STK35: variants seen among roughly 807,000 people sequenced by gnomAD.
The protein encoded by STK35 is serine/threonine kinase 35.
Under a neutral mutation model 37.3 loss-of-function variants are expected in STK35, and 17 were observed. The ratio of observed to expected loss-of-function variants is 0.46; its 90% CI spans 0.31 to 0.68. The LOEUF (loss-of-function observed/expected upper bound fraction) is 0.68. Ranked by LOEUF, STK35 falls within the 30% of genes least tolerant of loss-of-function variation. The probability of loss-of-function intolerance (pLI) is 0.05; values close to 1 mark genes in which losing one functional copy is unlikely to be tolerated. For synonymous variants in STK35, 385 were observed against 319.1 expected (o/e 1.21, Z -2.20); for missense variants, 595 against 746.7 (o/e 0.80, Z 2.37).
intron 2 of STK35, among the ~76,000 whole-genome samples, chr20:2,115,492 T>G (rs1011708042): frequency 1.3e-5 from 2 of 152,114 alleles, no homozygotes; most frequent in African/African-American, 4.8e-5. Flanking sequence ...GCCAGCACAT[T>G]TGCAGGCCCA....
chr20:2,129,226 G>A (rs943124145), intron 3 of STK35, among the ~76,000 whole-genome samples: 5 of 152,174 alleles, frequency 3.3e-5, no homozygotes, highest in Non-Finnish European at 7.3e-5. Context: ...GGTTTGGGCC[G>A]TGGAGATGAG....
intron 3 of STK35, among the ~76,000 whole-genome samples, chr20:2,143,215 G>T (rs1455151204): frequency 6.6e-6 from 1 of 152,182 alleles, no homozygotes; most frequent in East Asian, 1.9e-4. Flanking sequence ...GCCCAGTCCA[G>T]CCCTGCCCCT....
chr20:2,133,978 T>C (rs1268567365), intron 3 of STK35, among the ~76,000 whole-genome samples: 1 of 152,150 alleles, frequency 6.6e-6, no homozygotes, highest in African/African-American at 2.4e-5. Flanking sequence ...GGGCCTTACA[T>C]GGGCCTGCCA....
At chr20:2,122,236 G>T (rs1304122510) in intron 3 of STK35, among the ~76,000 whole-genome samples, 2 of 152,112 alleles carry the variant, frequency 1.3e-5, no homozygotes, top group African/African-American at 2.4e-5. Context: ...GGAGACTGAG[G>T]CAGGAGAATT....
At position 2,103,284 on chromosome 20, in the gene STK35, C is replaced by T; in HGVS notation, c.811C>T (p.Arg271Cys). 2 of 1,613,050 alleles carry T rather than the reference C, an allele frequency of 1.2e-6. No individual in the cohort carries two copies. The highest frequency in any genetic ancestry group is 1.3e-5 in the African/African-American group (1 of 75,016). The change falls in exon 2 of 4, where the codon CGC becomes TGC. Residue 271 changes from arginine (R) to cysteine (C), a missense_variant. By Grantham distance (180) the Arg-to-Cys change is radical. Around this residue, in one of 3 missense-constraint regions of STK35, gnomAD observed 97 missense variants for 146.4 expected, o/e 0.66. Transcript: ENST00000381482. ...GCAGTTTGAGGAGTGCGTCCTGCAG[C>T]GCAATGGGTTAGCCCAGCGCATGAG... is the stretch of plus-strand genomic sequence containing the variant. Reference protein sequence around the residue: ...VVQFEECVLQRNGLAQRMSHG... With the variant: ...VVQFEECVLQCNGLAQRMSHG...
In STK35 at chr20:2,117,325, C is replaced by G. The variant is rs768850896; in HGVS notation, c.1552C>G (p.Pro518Ala). Residue 518 changes from proline (P) to alanine (A), a missense_variant, in exon 3 of 4, where the codon CCT (proline) becomes GCT (alanine). Physicochemically the swap from Pro to Ala is conservative, Grantham distance 27. Around this residue, in one of 3 missense-constraint regions of STK35, gnomAD observed 109 missense variants for 280.3 expected, o/e 0.39. Transcript: ENST00000381482. This position sits in a 1 kb window ranked among gnomAD's most constrained non-coding sequence, Gnocchi z 4.4. ...DMLAANPQDR[P>A]DAFELETRMD... is the part of the protein sequence containing the mutation. ...GTTAGCTGCTAACCCACAGGACCGG[C>G]CTGATGCCTTTGAACTTGAAACCAG... The G allele has an allele frequency of 6.2e-7, 1 of 1,613,676 alleles. No individual in the cohort carries two copies. The highest frequency in any genetic ancestry group is 1.1e-5 in the South Asian group (1 of 91,064).
chr20:2,133,941 C>T (rs989729584), intron 3 of STK35, among the ~76,000 whole-genome samples: 1 of 152,176 alleles, frequency 6.6e-6, no homozygotes, highest in African/African-American at 2.4e-5. Context: ...CCCTTTCCCT[C>T]AGTAAGTCAT....
chr20:2,114,603 A>G (rs982001124), intron 2 of STK35, among the ~76,000 whole-genome samples: 1 of 152,180 alleles, frequency 6.6e-6, no homozygotes, highest in African/African-American at 2.4e-5. Context: ...TCCTGAGTCT[A>G]GCTCCTTCCT....
Position 2,148,329 on chromosome 20 carries a change from C to T in STK35, c.*4583C>T, listed in dbSNP as rs1986309530. ...TAATAAATCTATTTTTCTTCATTTC[C>T]TTTTTTTGCACAGAAGCTGGTAATC... On this transcript the variant is annotated 3_prime_UTR_variant, in exon 4 of 4. Transcript: ENST00000381482. 6.6e-6 allele frequency: 1 copy of T among 152,544 alleles called. No individual in the cohort carries two copies. Among genetic ancestry groups the T allele is most frequent in the Non-Finnish European group, 1.5e-5 (1 of 68,020 alleles). The allele number at this position is 152,544 out of a possible 1,614,324, so 9.4% of individuals were successfully genotyped here. A position where few individuals can be genotyped will look rare whatever the true frequency, so the allele number is the denominator to read the frequency against.
intron 2 of STK35, among the ~76,000 whole-genome samples, chr20:2,115,738 A>G (rs937323982): frequency 1.3e-5 from 2 of 152,028 alleles, no homozygotes; most frequent in African/African-American, 2.4e-5. Context: ...CAGACTTCCA[A>G]TTTACACCTT....
Position 2,147,662 on chromosome 20 carries a change from G to A in STK35, c.*3916G>A, listed in dbSNP as rs930300249. The A allele has an allele frequency of 8.5e-5, 13 of 152,478 alleles. No individual in the cohort carries two copies. Among genetic ancestry groups the A allele is most frequent in the East Asian group, 3.9e-4 (2 of 5,162 alleles). 9.4% of individuals were successfully genotyped at this position (152,478 alleles called of 1,614,324 possible). ...CCTGCCCATACGCCCCTCTTCCCCC[G>A]ACATCTGGGGGCGCTGGTGGCACTT... On this transcript the variant is annotated 3_prime_UTR_variant, in exon 4 of 4. Coordinates refer to ENST00000381482, the MANE Select transcript of STK35 (RefSeq NM_080836.4).
At chr20:2,122,987 A>G (rs1203343130) in intron 3 of STK35, among the ~76,000 whole-genome samples, 1 of 152,146 alleles carries the variant, frequency 6.6e-6, no homozygotes, top group Non-Finnish European at 1.5e-5. Context: ...AATAATTCCT[A>G]ATGGCTCCTA....
rs1019800663 is a variant in STK35 at position 2,148,398 on chromosome 20, T to G, written c.*4652T>G. The G allele has an allele frequency of 3.9e-5, 6 of 152,662 alleles. No individual in the cohort carries two copies. Among genetic ancestry groups the G allele is most frequent in the African/African-American group, 1.4e-4 (6 of 41,454 alleles). The allele number at this position is 152,662 out of a possible 1,614,324, so 9.5% of individuals were successfully genotyped here. A position where few individuals can be genotyped will look rare whatever the true frequency, so the allele number is the denominator to read the frequency against. ...AACTTTATATGAATATTTTTTGTAC[T>G]TGGTTTACTTGGGTTGGTATGATAC... On this transcript the variant is annotated 3_prime_UTR_variant, in exon 4 of 4. Coordinates refer to ENST00000381482, the MANE Select transcript of STK35 (RefSeq NM_080836.4).
chr20:2,102,824 A>T lies in STK35; in HGVS notation c.351A>T (p.Ala117=), dbSNP rs770598119. The change falls in exon 2 of 4, where the codon GCA becomes GCT. Residue 117 remains alanine, a synonymous_variant. Transcript: ENST00000381482. ...PRPRAGRRDE[A]GGARAAPLLL... ...CCAGGGCCGGACGGAGGGATGAGGC[A>T]GGGGGGGCCCGGGCAGCGCCGTTGC... 2.3e-5 allele frequency: 35 copies of T among 1,526,218 alleles called. No individual in the cohort carries two copies. Among genetic ancestry groups the T allele is most frequent in the Non-Finnish European group, 2.8e-5 (32 of 1,143,294 alleles). 94.5% of individuals were successfully genotyped at this position (1,526,218 alleles called of 1,614,324 possible). A position where few individuals can be genotyped will look rare whatever the true frequency, so the allele number is the denominator to read the frequency against.
intron 3 of STK35, among the ~76,000 whole-genome samples, chr20:2,135,690 C>G (rs903963638): frequency 6.6e-6 from 1 of 152,176 alleles, no homozygotes; most frequent in Non-Finnish European, 1.5e-5. Context: ...TGGCGAAACC[C>G]TGTCTCTACT....
Position 2,117,298 on chromosome 20 carries a change from A to G in STK35, c.1525A>G (p.Met509Val). Residue 509 changes from methionine to valine, a missense_variant, in exon 3 of 4, where the codon ATG (methionine) becomes GTG (valine). Transcript: ENST00000381482. This position sits in a 1 kb window ranked among gnomAD's most constrained non-coding sequence, Gnocchi z 4.4. ...GGGGATCAAGCAGCTCTTGAAAGAT[A>G]TGTTAGCTGCTAACCCACAGGACCG... is the stretch of plus-strand genomic sequence containing the variant. ...SEGIKQLLKD[M>V]LAANPQDRPD... is the part of the protein sequence containing the mutation. 1 of 1,614,204 alleles carries G rather than the reference A, an allele frequency of 6.2e-7. No homozygotes were observed. The highest frequency in any genetic ancestry group is 8.5e-7 in the Non-Finnish European group (1 of 1,180,034).
chr20:2,108,465 G>A (rs1432275968), intron 2 of STK35, among the ~76,000 whole-genome samples: 6 of 152,148 alleles, frequency 3.9e-5, no homozygotes, highest in Non-Finnish European at 7.4e-5. Context: ...AGCTGAGATC[G>A]CATCAGTGCA....
chr20:2,112,804 A>C (rs1181221627), intron 2 of STK35, among the ~76,000 whole-genome samples: 3 of 152,226 alleles, frequency 2.0e-5, no homozygotes, highest in Admixed American at 6.5e-5. Flanking sequence ...GAAGGAAGCT[A>C]AATTTGTAAC....
At position 2,102,064 on chromosome 20, in the gene STK35, C is replaced by A; in HGVS notation, c.183C>A (p.Ala61=). The A allele has an allele frequency of 6.6e-7, 1 of 1,522,800 alleles. No individual in the cohort carries two copies. Among genetic ancestry groups the A allele is most frequent in the Non-Finnish European group, 8.8e-7 (1 of 1,139,998 alleles). 94.3% of individuals were successfully genotyped at this position (1,522,800 alleles called of 1,614,324 possible). ...CCGCTACACGCCGGGCTCGGGCCGCCACCTCCCGCGCTGCTCGGTCCCGGA... is the reference window on the plus strand; with the variant it reads ...CCGCTACACGCCGGGCTCGGGCCGCAACCTCCCGCGCTGCTCGGTCCCGGA... ...EGSATRRARA[A]TSRAARSRRQ... The change falls in exon 1 of 4, where the codon GCC becomes GCA. Residue 61 remains alanine (A), a synonymous_variant. Transcript: ENST00000381482.
Sources: allele counts gnomAD v4.1 joint callset (sites outside exome capture counted in the v4.1 genomes callset), GRCh38; gene constraint gnomAD v4.1.1; regional missense constraint gnomAD v4.1.1; non-coding constraint Gnocchi (gnomAD v3.1); transcripts MANE v1.5; gene names NCBI Gene and HGNC (gene_info 2026-07-23, HGNC 2026-07-21).